The following ALK variants were observed in gnomAD, a reference collection of about 807,000 sequenced individuals.
ALK encodes ALK tyrosine kinase receptor.
ALK carries 74 observed loss-of-function variants against 163.1 expected under a neutral mutation model. That is an observed-to-expected ratio of 0.45 (90% CI 0.38 to 0.55). The LOEUF is 0.55. Ranked by LOEUF, ALK falls within the 20% of genes least tolerant of loss-of-function variation. The probability of loss-of-function intolerance (pLI) is 0.00; values close to 1 mark genes in which losing one functional copy is unlikely to be tolerated. For missense variants in ALK, 2,063 were observed against 2,105.3 expected (o/e 0.98, Z 0.39); for synonymous variants, 960 against 843.2 (o/e 1.14, Z -2.40).
At chr2:29,383,321 CTT>C (rs548212475) in intron 5 of ALK, among the ~76,000 whole-genome samples, 1 of 145,548 alleles carries the variant, frequency 6.9e-6, no homozygotes, top group Non-Finnish European at 1.5e-5. Context: ...ACACTCTAGA[CTT>C]TTTTTTTTTT....
At chr2:29,265,841 A>C (rs2148208636) in intron 11 of ALK, among the ~76,000 whole-genome samples, 1 of 152,262 alleles carries the variant, frequency 6.6e-6, no homozygotes, top group Middle Eastern at 3.4e-3. Context: ...TGCAAAAATT[A>C]GCTGGGTGTG....
chr2:29,365,140 G>A (rs1441541174), intron 5 of ALK, among the ~76,000 whole-genome samples: 1 of 152,202 alleles, frequency 6.6e-6, no homozygotes, highest in Non-Finnish European at 1.5e-5. Flanking sequence ...ATCTAGATTA[G>A]CAGGAACACA....
At chr2:29,502,203 A>G (rs1328568356) in intron 4 of ALK, among the ~76,000 whole-genome samples, 4 of 152,194 alleles carry the variant, frequency 2.6e-5, no homozygotes, top group African/African-American at 7.2e-5. Context: ...CAGCACCCTT[A>G]GTAACGAATT....
chr2:29,566,995 T>C (rs1169623825), intron 3 of ALK, among the ~76,000 whole-genome samples: 1 of 152,274 alleles, frequency 6.6e-6, no homozygotes, highest in African/African-American at 2.4e-5. Context: ...AGTAATTTTC[T>C]GTTTATCTTC....
intron 5 of ALK, among the ~76,000 whole-genome samples, chr2:29,329,697 C>T (rs1667383722): frequency 6.6e-6 from 1 of 152,174 alleles, no homozygotes; most frequent in Admixed American, 6.5e-5. Context: ...AGGTACTCTC[C>T]AGGTTAGGTG....
chr2:29,651,743 T>G (rs1207053143), intron 3 of ALK, among the ~76,000 whole-genome samples: 4 of 152,164 alleles, frequency 2.6e-5, no homozygotes, highest in Non-Finnish European at 5.9e-5. Context: ...CAGCAACTTC[T>G]TTTGTACTGG....
At chr2:29,775,500 T>C (rs147727813) in intron 1 of ALK, among the ~76,000 whole-genome samples, 272 of 149,870 alleles carry the variant, frequency 1.8e-3, no homozygotes, top group African/African-American at 5.9e-3. Context: ...AGAAACCTGT[T>C]CCACCATGTA....
intron 5 of ALK, among the ~76,000 whole-genome samples, chr2:29,356,533 G>T (rs1331577895): frequency 2.0e-5 from 3 of 152,152 alleles, no homozygotes; most frequent in African/African-American, 7.2e-5. Context: ...ACAATGGAAT[G>T]CCCTGAGTGT....
chr2:29,841,797 C>A (rs1665708661), intron 1 of ALK, among the ~76,000 whole-genome samples: 1 of 152,148 alleles, frequency 6.6e-6, no homozygotes, highest in Non-Finnish European at 1.5e-5. Flanking sequence ...TATCCAAAAA[C>A]AAAACTCTCT....
intron 1 of ALK, among the ~76,000 whole-genome samples, chr2:29,750,679 G>GGAAT (rs1680335293): frequency 7.0e-6 from 1 of 142,938 alleles, no homozygotes; most frequent in South Asian, 2.5e-4. Flanking sequence ...AAGGAAGGAA[G>GGAAT]GAAGGAAGGA....
At chr2:29,323,254 AT>A (rs1177455173) in intron 6 of ALK, among the ~76,000 whole-genome samples, 2 of 152,196 alleles carry the variant, frequency 1.3e-5, no homozygotes, top group African/African-American at 2.4e-5. Flanking sequence ...TGGTAGTGTT[AT>A]TAATTGCCAT....
chr2:29,662,533 G>A (rs1431618827), intron 3 of ALK, among the ~76,000 whole-genome samples: 1 of 152,142 alleles, frequency 6.6e-6, no homozygotes, highest in Non-Finnish European at 1.5e-5. Flanking sequence ...TTGGGTAGGA[G>A]AGGTGCAATA....
At chr2:29,809,591 C>T (rs1415807606) in intron 1 of ALK, among the ~76,000 whole-genome samples, 2 of 152,198 alleles carry the variant, frequency 1.3e-5, no homozygotes, top group Non-Finnish European at 2.9e-5. Flanking sequence ...CACCTTGCTT[C>T]CTAACAGCCC....
chr2:29,215,551 C>T (rs996331113), intron 23 of ALK, among the ~76,000 whole-genome samples: 97 of 152,148 alleles, frequency 6.4e-4, no homozygotes, highest in African/African-American at 2.1e-3. Flanking sequence ...GAGAGGCTAC[C>T]TGACTCACCC....
rs778129557 is a variant in ALK, at chr2:29,717,666, C to T, written c.699G>A (p.Met233Ile). ...TAAAATAATCAGGAGAAGGAGAAGG[C>T]ATGTTTGTTGGTGATTCCAAGGAGC... is the stretch of plus-strand genomic sequence containing the variant. ...GHSSLESPTN[M>I]PSPSPDYFTW... is the part of the protein sequence containing the mutation. Residue 233 changes from methionine (M) to isoleucine (I), a missense_variant, in exon 2 of 29, where the codon ATG becomes ATA. By Grantham distance (10) the Met-to-Ile change is conservative. Around this residue, in one of 5 missense-constraint regions of ALK, gnomAD observed 987 missense variants for 939.5 expected, o/e 1.05. Coordinates refer to ENST00000389048, the MANE Select transcript of ALK (RefSeq NM_004304.5). 16 of 1,613,852 alleles carry T rather than the reference C, an allele frequency of 9.9e-6. No individual in the cohort carries two copies. In the Admixed American group the frequency reaches 2.7e-4, roughly 27 times the overall value.
At chr2:29,490,030 A>T (rs1671864758) in intron 4 of ALK, among the ~76,000 whole-genome samples, 1 of 152,244 alleles carries the variant, frequency 6.6e-6, no homozygotes, top group Admixed American at 6.5e-5. Flanking sequence ...GAACTAGGGC[A>T]TGGGCCAGGG....
intron 23 of ALK, among the ~76,000 whole-genome samples, chr2:29,217,479 C>G (rs1205664954): frequency 1.3e-5 from 2 of 151,904 alleles, no homozygotes; most frequent in East Asian, 3.8e-4. Flanking sequence ...CACCCTGGGA[C>G]CAAGTGATTT....
intron 8 of ALK, among the ~76,000 whole-genome samples, chr2:29,301,305 T>C (rs934145244): frequency 5.9e-5 from 9 of 152,222 alleles, no homozygotes; most frequent in African/African-American, 2.2e-4. Flanking sequence ...TTCCTCCTCC[T>C]CTTAAATCTT....
intron 1 of ALK, among the ~76,000 whole-genome samples, chr2:29,874,320 T>C (rs890892829): frequency 1.3e-5 from 2 of 150,772 alleles, no homozygotes; most frequent in African/African-American, 4.9e-5. Flanking sequence ...TGTGTTCGTG[T>C]GACAAAGGCT....
Sources: gnomAD v4.1 joint callset for allele counts (sites outside exome capture counted in the v4.1 genomes callset) on GRCh38, gnomAD v4.1.1 for gene constraint, gnomAD v4.1.1 regional missense constraint, MANE v1.5 for transcripts, NCBI Gene and HGNC (gene_info 2026-07-23, HGNC 2026-07-21) for gene names.